The following CALN1 variants were observed in gnomAD, a reference collection of about 807,000 sequenced individuals.
CALN1 encodes the protein calneuron 1.
In CALN1, 17 loss-of-function variants were observed where a neutral mutation model predicts 30.6. The ratio of observed to expected loss-of-function variants is 0.56; its 90% CI spans 0.38 to 0.83. The LOEUF is 0.83. Among genes scored for constraint, CALN1 ranks in the 40% least tolerant of loss-of-function variants. The pLI is 0.00. For missense variants in CALN1, 291 were observed against 354.9 expected, an observed-to-expected ratio of 0.82 and a Z score of 1.45; for synonymous variants, 156 against 131.4, an observed-to-expected ratio of 1.19 and a Z score of -1.28.
At chr7:72,253,232 G>A (rs12154643) in intron 3 of CALN1, among the ~76,000 whole-genome samples, 54,260 of 152,052 alleles carry the variant, frequency 0.36, 10,651 homozygotes, top group Middle Eastern at 0.55. Flanking sequence ...AAGAACTAAT[G>A]CAAATTTTTG....
intron 3 of CALN1, among the ~76,000 whole-genome samples, chr7:72,122,016 C>A (rs567273509): frequency 4.0e-5 from 6 of 151,432 alleles, no homozygotes; most frequent in African/African-American, 1.2e-4. Context: ...AGCCTGGCAC[C>A]CCCTCCACAA....
chr7:72,167,911 T>G (rs559060846), intron 3 of CALN1, among the ~76,000 whole-genome samples: 1 of 152,178 alleles, frequency 6.6e-6, no homozygotes, highest in Non-Finnish European at 1.5e-5. Flanking sequence ...CTCCAAAGAC[T>G]TGGCAGAAAT....
At chr7:71,871,599 T>G (rs1488866122) in intron 5 of CALN1, among the ~76,000 whole-genome samples, 3 of 151,894 alleles carry the variant, frequency 2.0e-5, no homozygotes, top group African/African-American at 7.3e-5. Flanking sequence ...AAATAAAAAC[T>G]CCTTGCTGTT....
At chr7:72,182,749 C>A (rs1207983720) in intron 3 of CALN1, among the ~76,000 whole-genome samples, 1 of 139,552 alleles carries the variant, frequency 7.2e-6, no homozygotes. Flanking sequence ...AAAAAAATGA[C>A]AAAAATTCTA....
At chr7:72,303,867 C>CTG (rs1465073167) in intron 2 of CALN1, among the ~76,000 whole-genome samples, 3 of 152,122 alleles carry the variant, frequency 2.0e-5, no homozygotes. Context: ...GAGCAAGACT[C>CTG]TGTCTCGAGA....
At chr7:72,196,573 G>A (rs544948223) in intron 3 of CALN1, among the ~76,000 whole-genome samples, 1 of 152,238 alleles carries the variant, frequency 6.6e-6, no homozygotes, top group East Asian at 1.9e-4. Context: ...TACCAAAAAA[G>A]AAAAAGATGT....
rs200382158 is a variant in CALN1, at chr7:71,890,585, GA to G, written c.502-80094del. On this transcript the variant is annotated intron_variant, in intron 5 of 6. Transcript: ENST00000395275. ...ATAAAATAGAAAAAATTATTAAGAAGAAAAAAAATTATCCATAATATTTTAT... is the reference window on the plus strand; with the variant it reads ...ATAAAATAGAAAAAATTATTAAGAAGAAAAAAATTATCCATAATATTTTAT... 9.2e-3 allele frequency among the ~76,000 whole-genome samples: 1,399 copies of G among 151,674 alleles called. 13 individuals are homozygous for G. Among genetic ancestry groups the G allele is most frequent in the African/African-American group, 0.032 (1,324 of 41,374 alleles).
chr7:72,252,282 C>T (rs536649708), intron 3 of CALN1, among the ~76,000 whole-genome samples: 1 of 152,244 alleles, frequency 6.6e-6, no homozygotes. Flanking sequence ...ATCAGCAAAT[C>T]TTGGTAAGTC....
chr7:72,218,385 T>A (rs554562534), intron 3 of CALN1, among the ~76,000 whole-genome samples: 1 of 151,714 alleles, frequency 6.6e-6, no homozygotes, highest in Non-Finnish European at 1.5e-5. Flanking sequence ...CAGGAGGAGG[T>A]TGCAGTGAAC....
At chr7:72,269,587 T>C (rs1481138102) in intron 3 of CALN1, among the ~76,000 whole-genome samples, 1 of 152,192 alleles carries the variant, frequency 6.6e-6, no homozygotes, top group African/African-American at 2.4e-5. Flanking sequence ...GCTAAGACAC[T>C]AGAAAGACCA....
chr7:71,941,915 TG>T (rs1397700291), intron 5 of CALN1, among the ~76,000 whole-genome samples: 6 of 152,132 alleles, frequency 3.9e-5, no homozygotes, highest in African/African-American at 1.4e-4. Context: ...AAAAGTCAAC[TG>T]GGCTGGGCCC....
intron 4 of CALN1, among the ~76,000 whole-genome samples, chr7:72,084,184 G>A (rs1805333789): frequency 6.6e-6 from 1 of 152,064 alleles, no homozygotes; most frequent in African/African-American, 2.4e-5. Context: ...ACTCCAGCCT[G>A]GGTAACAGAG....
intron 5 of CALN1, among the ~76,000 whole-genome samples, chr7:71,881,383 C>T (rs1045865008): frequency 2.6e-5 from 4 of 152,094 alleles, no homozygotes; most frequent in South Asian, 2.1e-4. Context: ...TAGTTCTGTC[C>T]GTCTAGAAAA....
chr7:71,889,635 T>C (rs1172076796), intron 5 of CALN1, among the ~76,000 whole-genome samples: 2 of 152,032 alleles, frequency 1.3e-5, no homozygotes, highest in Non-Finnish European at 2.9e-5. Flanking sequence ...CCCCACACCA[T>C]GGATTTGTGA....
At chr7:71,986,254 G>A (rs948263707) in intron 5 of CALN1, among the ~76,000 whole-genome samples, 21 of 152,116 alleles carry the variant, frequency 1.4e-4, no homozygotes, top group African/African-American at 5.1e-4. Context: ...CACCATGTTG[G>A]TCATGCTGGT....
At chr7:72,360,155 TG>T (rs1050926858) in intron 2 of CALN1, among the ~76,000 whole-genome samples, 4 of 152,106 alleles carry the variant, frequency 2.6e-5, no homozygotes, top group African/African-American at 9.7e-5. Flanking sequence ...TGCAACAAAC[TG>T]GGAAATTTGA....
intron 3 of CALN1, among the ~76,000 whole-genome samples, chr7:72,118,790 C>T (rs1016894095): frequency 6.6e-6 from 1 of 152,116 alleles, no homozygotes; most frequent in Non-Finnish European, 1.5e-5. Flanking sequence ...GATGTCAAGT[C>T]AGAAGGAAGG....
intron 5 of CALN1, among the ~76,000 whole-genome samples, chr7:71,883,658 C>T (rs979367987): frequency 6.6e-6 from 1 of 152,204 alleles, no homozygotes; most frequent in Non-Finnish European, 1.5e-5. Flanking sequence ...AGTGTATCTA[C>T]TGCTCCTTGT....
At chr7:72,062,511 C>CAAAAAAAAAAAAAAAAAAA (rs376093442) in intron 4 of CALN1, among the ~76,000 whole-genome samples, 1 of 59,378 alleles carries the variant, frequency 1.7e-5, no homozygotes, top group Non-Finnish European at 3.1e-5. Flanking sequence ...GACTCTATCT[C>CAAAAAAAAAAAAAAAAAAA]AAAAAAAAAA....
Sources: allele counts gnomAD v4.1 joint callset (sites outside exome capture counted in the v4.1 genomes callset), GRCh38; gene constraint gnomAD v4.1.1; transcripts MANE v1.5; gene names NCBI Gene and HGNC (gene_info 2026-07-23, HGNC 2026-07-21).